KCNIP4: variants seen among roughly 807,000 people sequenced by gnomAD.
The protein encoded by KCNIP4 is potassium voltage-gated channel interacting protein 4.
In KCNIP4, 12 loss-of-function variants were observed where a neutral mutation model predicts 34.0. The ratio of observed to expected loss-of-function variants is 0.35; its 90% CI spans 0.23 to 0.57. The LOEUF is 0.57. Among genes scored for constraint, KCNIP4 ranks in the 20% least tolerant of loss-of-function variants. The pLI is 0.83. For missense variants in KCNIP4, 238 were observed against 311.7 expected (o/e 0.76, Z 1.78); for synonymous variants, 124 against 102.2 (o/e 1.21, Z -1.29).
intron 1 of KCNIP4, among the ~76,000 whole-genome samples, chr4:21,396,856 G>C (rs1312414944): frequency 2.0e-5 from 3 of 152,164 alleles, no homozygotes; most frequent in Non-Finnish European, 4.4e-5. Flanking sequence ...TCCAGAAGGA[G>C]CCCAGCCTTG....
chr4:21,942,704 A>AAT (rs1730267391), intron 1 of KCNIP4, among the ~76,000 whole-genome samples: 2 of 152,254 alleles, frequency 1.3e-5, no homozygotes, highest in Non-Finnish European at 2.9e-5. Context: ...CCATGGGACA[A>AAT]CGTGATTTAA....
intron 1 of KCNIP4, among the ~76,000 whole-genome samples, chr4:20,961,662 G>A (rs954330419): frequency 6.6e-5 from 10 of 152,304 alleles, no homozygotes; most frequent in African/African-American, 2.2e-4. Context: ...GTCCCAAGAT[G>A]AGAATGTAAA....
chr4:21,436,985 G>A (rs543788871), intron 1 of KCNIP4, among the ~76,000 whole-genome samples: 1 of 152,250 alleles, frequency 6.6e-6, no homozygotes, highest in Non-Finnish European at 1.5e-5. Context: ...TTCAGATGGA[G>A]CCAGGATAGG....
chr4:20,784,714 G>T (rs915433056), intron 3 of KCNIP4, among the ~76,000 whole-genome samples: 2 of 152,002 alleles, frequency 1.3e-5, no homozygotes, highest in Non-Finnish European at 2.9e-5. Context: ...GGATGCAAGG[G>T]ATATAAAATT....
chr4:21,090,437 A>AC (rs970919379), intron 1 of KCNIP4, among the ~76,000 whole-genome samples: 1 of 152,044 alleles, frequency 6.6e-6, no homozygotes, highest in Admixed American at 6.6e-5. Context: ...AGCAGCATAT[A>AC]CCCCCAAAAC....
intron 3 of KCNIP4, chr4:20,767,426 T>C (rs1755512537): frequency 6.6e-6 from 1 of 152,178 alleles, no homozygotes; most frequent in South Asian, 2.1e-4. Context: ...TTACATGGTA[T>C]GTTTGAAATC....
chr4:21,178,692 T>C (rs1157749188), intron 1 of KCNIP4, among the ~76,000 whole-genome samples: 2 of 152,092 alleles, frequency 1.3e-5, no homozygotes, highest in African/African-American at 4.8e-5. Flanking sequence ...GTTTGCTTCC[T>C]CCTGTCCTGT....
chr4:21,529,812 G>A (rs1107861), intron 1 of KCNIP4, among the ~76,000 whole-genome samples: 2 of 152,134 alleles, frequency 1.3e-5, no homozygotes, highest in African/African-American at 4.8e-5. Context: ...GTGAATCTGA[G>A]GCTATCTGGC....
chr4:21,480,350 C>G (rs1251796421), intron 1 of KCNIP4, among the ~76,000 whole-genome samples: 3 of 151,914 alleles, frequency 2.0e-5, no homozygotes, highest in Non-Finnish European at 4.4e-5. Context: ...GTTAGAACAA[C>G]AATAACAAAG....
At chr4:21,105,786 T>A (rs554422156) in intron 1 of KCNIP4, among the ~76,000 whole-genome samples, 2 of 151,700 alleles carry the variant, frequency 1.3e-5, no homozygotes, top group East Asian at 3.9e-4. Context: ...ACCTAATTTA[T>A]TGAGAGTTTT....
At chr4:20,861,928 A>G (rs1722237556) in intron 2 of KCNIP4, among the ~76,000 whole-genome samples, 1 of 151,490 alleles carries the variant, frequency 6.6e-6, no homozygotes, top group Non-Finnish European at 1.5e-5. Context: ...AGCATTAACC[A>G]TATTATTACT....
At chr4:20,956,760 A>C (rs373818361) in intron 1 of KCNIP4, among the ~76,000 whole-genome samples, 28 of 152,194 alleles carry the variant, frequency 1.8e-4, no homozygotes, top group Admixed American at 5.2e-4. Flanking sequence ...CAAGAAGTAA[A>C]ACAACCTCTT....
intron 1 of KCNIP4, among the ~76,000 whole-genome samples, chr4:21,755,510 T>C (rs1394061853): frequency 6.6e-6 from 1 of 152,164 alleles, no homozygotes; most frequent in Non-Finnish European, 1.5e-5. Context: ...GACAAGGGGC[T>C]AGTGACAGTC....
intron 1 of KCNIP4, among the ~76,000 whole-genome samples, chr4:21,508,415 T>C (rs1734031812): frequency 6.6e-6 from 1 of 152,188 alleles, no homozygotes; most frequent in African/African-American, 2.4e-5. Flanking sequence ...TTACAAAGCT[T>C]CTGCACCTTT....
intron 1 of KCNIP4, among the ~76,000 whole-genome samples, chr4:20,894,840 T>A (rs1006214683): frequency 6.6e-6 from 1 of 152,204 alleles, no homozygotes; most frequent in African/African-American, 2.4e-5. Context: ...CATGATCTTG[T>A]TCTAAGAAAA....
intron 1 of KCNIP4, among the ~76,000 whole-genome samples, chr4:21,317,484 G>A (rs1713892817): frequency 6.6e-6 from 1 of 152,174 alleles, no homozygotes; most frequent in South Asian, 2.1e-4. Context: ...ATTTTTCAAG[G>A]GGTTGTTAAC....
chr4:21,326,426 T>C (rs1481859983), intron 1 of KCNIP4, among the ~76,000 whole-genome samples: 1 of 151,122 alleles, frequency 6.6e-6, no homozygotes, highest in Non-Finnish European at 1.5e-5. Context: ...AATCCTGCTG[T>C]TTTTTGGTTT....
chr4:21,820,389 A>G (rs1446469408), intron 1 of KCNIP4, among the ~76,000 whole-genome samples: 1 of 150,692 alleles, frequency 6.6e-6, no homozygotes, highest in Non-Finnish European at 1.5e-5. Context: ...TTTCCTATAT[A>G]TGTCGACCCA....
At chr4:20,731,040 C>A (rs964842116) in intron 8 of KCNIP4, among the ~76,000 whole-genome samples, 1 of 152,078 alleles carries the variant, frequency 6.6e-6, no homozygotes, top group African/African-American at 2.4e-5. Flanking sequence ...ACTAAAGAAA[C>A]AACGGATTTC....
Sources: gnomAD v4.1 joint callset for allele counts (sites outside exome capture counted in the v4.1 genomes callset) on GRCh38, gnomAD v4.1.1 for gene constraint, MANE v1.5 for transcripts, NCBI Gene and HGNC (gene_info 2026-07-23, HGNC 2026-07-21) for gene names.